The following IMPG2 variants were observed in gnomAD, a reference collection of about 807,000 sequenced individuals.
The protein encoded by IMPG2 is IPM 200.
A neutral mutation model predicts 129.2 loss-of-function variants in IMPG2; 91 were observed. That is an observed-to-expected ratio of 0.70 (90% CI 0.59 to 0.84). IMPG2 has a LOEUF of 0.84. IMPG2 is among the 40% of genes least tolerant of loss of function. The probability of loss-of-function intolerance (pLI) is 0.00; values close to 1 mark genes in which losing one functional copy is unlikely to be tolerated. For synonymous variants in IMPG2, 510 were observed against 517.7 expected, an observed-to-expected ratio of 0.99 and a Z score of 0.20; for missense variants, 1,430 against 1,461.7, an observed-to-expected ratio of 0.98 and a Z score of 0.35.
chr3:101,314,243 A>G (rs1559661342), intron 2 of IMPG2, among the ~76,000 whole-genome samples: 1 of 152,154 alleles, frequency 6.6e-6, no homozygotes, highest in Non-Finnish European at 1.5e-5. Flanking sequence ...CAAACAGCCA[A>G]TAAACTTGTA....
At chr3:101,295,113 G>A (rs184003595) in intron 3 of IMPG2, among the ~76,000 whole-genome samples, 184 of 152,236 alleles carry the variant, frequency 1.2e-3, no homozygotes, top group African/African-American at 4.3e-3. Flanking sequence ...TTTGGCTTTT[G>A]CTGCTATTGC....
chr3:101,287,466 A>G (rs369605684), intron 4 of IMPG2, among the ~76,000 whole-genome samples: 4 of 152,340 alleles, frequency 2.6e-5, no homozygotes, highest in Non-Finnish European at 4.4e-5. Flanking sequence ...AGCCAGAGGC[A>G]TCACACTATC....
intron 9 of IMPG2, among the ~76,000 whole-genome samples, chr3:101,265,230 T>A (rs769658032): frequency 1.3e-5 from 2 of 152,032 alleles, no homozygotes; most frequent in African/African-American, 4.8e-5. Context: ...AGACCCCAGA[T>A]AGCCAAAGCA....
chr3:101,243,807 G>T lies in IMPG2; in HGVS notation c.2524C>A (p.Leu842Met), dbSNP rs149896250. 722 of 1,614,176 alleles carry T rather than the reference G, an allele frequency of 4.5e-4. 1 individual carries two copies. The highest frequency in any genetic ancestry group is 9.9e-4 in the Middle Eastern group (6 of 6,062). Reference sequence around the variant, plus strand: ...TAGTAATCTGTGCCTATCCGGTCCAGTTCTAACGAAATATCCTGTACACCC... The same window carrying T: ...TAGTAATCTGTGCCTATCCGGTCCATTTCTAACGAAATATCCTGTACACCC... ...IMGVQDISLE[L>M]DRIGTDYYQP... is the part of the protein sequence containing the mutation. The change falls in exon 13 of 19, where the codon CTG becomes ATG. Residue 842 changes from leucine to methionine, a missense_variant. By Grantham distance (15) the Leu-to-Met change is conservative. Transcript: ENST00000193391.
Position 101,315,912 on chromosome 3 carries a change from C to T in IMPG2, c.334+3672G>A, listed in dbSNP as rs575109522. On this transcript the variant is annotated intron_variant, in intron 2 of 18. Coordinates refer to ENST00000193391, the MANE Select transcript of IMPG2 (RefSeq NM_016247.4). ...AATAAAGCTTACAGTAAATAAGACA[C>T]TATGGTATTGGCATAAAAATAGACA... Among the ~76,000 whole-genome samples the T allele has an allele frequency of 7.1e-3, 1,076 of 151,638 alleles. 11 individuals are homozygous for T. The highest frequency in any genetic ancestry group is 0.025 in the African/African-American group (1,022 of 41,364).
intron 2 of IMPG2, among the ~76,000 whole-genome samples, chr3:101,318,148 T>C (rs1459881975): frequency 1.7e-5 from 1 of 60,174 alleles, no homozygotes; most frequent in Admixed American, 2.0e-4. Flanking sequence ...AAAATAGTAA[T>C]AAATAATAAT....
At chr3:101,302,537 T>C (rs1263708345) in intron 3 of IMPG2, among the ~76,000 whole-genome samples, 1 of 152,202 alleles carries the variant, frequency 6.6e-6, no homozygotes, top group African/African-American at 2.4e-5. Context: ...TGGGTTTGGA[T>C]TTAAGCTCCA....
chr3:101,274,727 A>G (rs1427969141), intron 6 of IMPG2, among the ~76,000 whole-genome samples: 1 of 152,226 alleles, frequency 6.6e-6, no homozygotes. Flanking sequence ...CTCATTCTAC[A>G]AATGTTTCCA....
chr3:101,226,121 A>G lies in IMPG2; in HGVS notation c.*848T>C, dbSNP rs1706218720. ...TCAGGGAACCTCAGTCCAGCAATCA[A>G]GAAACAAAATATATTCTCAGCACTG... On this transcript the variant is annotated 3_prime_UTR_variant, in exon 19 of 19. Transcript: ENST00000193391. 1 of 153,746 alleles carries G rather than the reference A, an allele frequency of 6.5e-6. No homozygotes were observed. The highest frequency in any genetic ancestry group is 2.4e-5 in the African/African-American group (1 of 41,030). The allele number at this position is 153,746 out of a possible 1,614,324, so 9.5% of individuals were successfully genotyped here. A position where few individuals can be genotyped will look rare whatever the true frequency, so the allele number is the denominator to read the frequency against.
intron 14 of IMPG2, among the ~76,000 whole-genome samples, chr3:101,233,751 T>G (rs947576891): frequency 2.0e-5 from 3 of 152,138 alleles, no homozygotes; most frequent in Non-Finnish European, 2.9e-5. Flanking sequence ...TGGTCAATGG[T>G]AATCTGTGAA....
At chr3:101,231,549 G>T (rs1706287983) in intron 15 of IMPG2, among the ~76,000 whole-genome samples, 1 of 152,198 alleles carries the variant, frequency 6.6e-6, no homozygotes, top group Non-Finnish European at 1.5e-5. Flanking sequence ...GTATGCTAAA[G>T]ATATCCTTCA....
intron 3 of IMPG2, among the ~76,000 whole-genome samples, chr3:101,298,864 A>T (rs1443745216): frequency 6.6e-6 from 1 of 152,082 alleles, no homozygotes; most frequent in Non-Finnish European, 1.5e-5. Flanking sequence ...AGAGAATCTG[A>T]TGATTATGTG....
intron 2 of IMPG2, among the ~76,000 whole-genome samples, chr3:101,310,506 G>A (rs1407921915): frequency 1.3e-5 from 2 of 148,778 alleles, no homozygotes; most frequent in African/African-American, 2.5e-5. Flanking sequence ...TACGCAGTGA[G>A]GTGTAATCAC....
chr3:101,243,965 G>T lies in IMPG2; in HGVS notation c.2366C>A (p.Ser789Tyr). The change falls in exon 13 of 19, where the codon TCC becomes TAC. Residue 789 changes from serine (S) to tyrosine (Y), a missense_variant. Physicochemically the swap from Ser to Tyr is moderately radical, Grantham distance 144. Coordinates refer to ENST00000193391, the MANE Select transcript of IMPG2 (RefSeq NM_016247.4). ...ESERVWTRTS[S>Y]LEKLSRDILA... is the part of the protein sequence containing the mutation. ...TATGTCTCTGGACAATTTCTCTAGG[G>T]AAGAAGTTCTTGTCCAAACTCTCTC... 6.2e-7 allele frequency: 1 copy of T among 1,614,146 alleles called. No individual in the cohort carries two copies. The highest frequency in any genetic ancestry group is 8.5e-7 in the Non-Finnish European group (1 of 1,180,024).
intron 9 of IMPG2, among the ~76,000 whole-genome samples, chr3:101,261,141 C>T (rs1468689009): frequency 2.0e-5 from 3 of 152,156 alleles, no homozygotes; most frequent in Non-Finnish European, 4.4e-5. Flanking sequence ...TGAGGATGTG[C>T]ATGCTCTTCC....
Position 101,320,314 on chromosome 3 carries a change from A to G in IMPG2, c.59T>C (p.Ile20Thr). 1 of 1,603,620 alleles carries G rather than the reference A, an allele frequency of 6.2e-7. No homozygotes were observed. The highest frequency in any genetic ancestry group is 8.5e-7 in the Non-Finnish European group (1 of 1,171,146). ...ISLGILIFVL[I>T]EGDFPSLTAQ... The stretch of plus-strand genomic sequence containing the variant: ...TGTTAATGATGGAAAGTCTCCTTCT[A>G]TCAGGACAAATATCAAAATACCCAG... Residue 20 changes from isoleucine (I) to threonine (T), a missense_variant, in exon 1 of 19, where the codon ATA becomes ACA. Physicochemically the swap from Ile to Thr is moderately conservative, Grantham distance 89. Coordinates refer to ENST00000193391, the MANE Select transcript of IMPG2 (RefSeq NM_016247.4).
Position 101,230,998 on chromosome 3 carries a change from G to A in IMPG2, c.3381C>T (p.Leu1127=), listed in dbSNP as rs348867. The change falls in exon 16 of 19, where the codon CTC becomes CTT. Residue 1127 remains leucine, a synonymous_variant. Transcript: ENST00000193391. ...TTTCACTCCTGTCATGGTGTGCTTG[G>A]AGAGTCCTGATGAAGAAGTAGATGA... The part of the protein sequence containing the change: ...SAIIYFFIRT[L]QAHHDRSERE... 0.79 allele frequency: 1,269,309 copies of A among 1,613,038 alleles called. 500,371 individuals carry two copies. The highest frequency in any genetic ancestry group is 0.82 in the Admixed American group (49,506 of 60,014).
In IMPG2 at chr3:101,225,099, C is replaced by T. The variant is rs1352416744; in HGVS notation, c.*1870G>A. ...TCATCTAACACGTAGTATAGGAAAACAGTTTACAGTCTTAAACAGAAAACT... is the reference window on the plus strand; with the variant it reads ...TCATCTAACACGTAGTATAGGAAAATAGTTTACAGTCTTAAACAGAAAACT... On this transcript the variant is annotated 3_prime_UTR_variant, in exon 19 of 19. Coordinates refer to ENST00000193391, the MANE Select transcript of IMPG2 (RefSeq NM_016247.4). 6.6e-6 allele frequency: 1 copy of T among 152,202 alleles called. No individual in the cohort carries two copies. 9.4% of individuals were successfully genotyped at this position (152,202 alleles called of 1,614,324 possible).
chr3:101,249,941 C>T (rs1450108505), intron 11 of IMPG2, among the ~76,000 whole-genome samples: 1 of 151,986 alleles, frequency 6.6e-6, no homozygotes, highest in African/African-American at 2.4e-5. Flanking sequence ...TGCCTTGGTG[C>T]ACTCCTATAG....
Sources: gnomAD v4.1 joint callset for allele counts (sites outside exome capture counted in the v4.1 genomes callset) on GRCh38, gnomAD v4.1.1 for gene constraint, MANE v1.5 for transcripts, NCBI Gene and HGNC (gene_info 2026-07-23, HGNC 2026-07-21) for gene names.